The following SYT1 variants were observed in gnomAD, a reference collection of about 807,000 sequenced individuals.
SYT1 encodes the protein synaptotagmin-1.
SYT1 carries 8 observed loss-of-function variants against 44.8 expected under a neutral mutation model. That is an observed-to-expected ratio of 0.18 (90% CI 0.10 to 0.32). The LOEUF (loss-of-function observed/expected upper bound fraction) is 0.32, where lower values mean the gene tolerates loss of function less well. Ranked by LOEUF, SYT1 falls within the 10% of genes least tolerant of loss-of-function variation. The pLI, the probability that SYT1 is intolerant of heterozygous loss-of-function variation, is 1.00. For synonymous variants in SYT1, 154 were observed against 188.8 expected, an observed-to-expected ratio of 0.82 and a Z score of 1.51; for missense variants, 286 against 509.3, an observed-to-expected ratio of 0.56 and a Z score of 4.22.
chr12:79,411,977 G>A (rs1315244050), intron 9 of SYT1, among the ~76,000 whole-genome samples: 3 of 152,058 alleles, frequency 2.0e-5, no homozygotes, highest in East Asian at 1.9e-4. Flanking sequence ...TTGGCATGGC[G>A]AGTCTGTACA....
Position 79,172,273 on chromosome 12 carries a change from C to A in SYT1, c.-17-45230C>A, listed in dbSNP as rs189682627. ...AAAATGCATACATTGAATAACCTAA[C>A]TTTAGGTATACTGAGACTTCATTTT... On this transcript the variant is annotated intron_variant, in intron 3 of 10. Transcript: ENST00000261205. Among the ~76,000 whole-genome samples, 72 of 151,868 alleles carry A rather than the reference C, an allele frequency of 4.7e-4. No homozygotes were observed. The East Asian group carries it at 0.013, about 28-fold the overall frequency.
intron 1 of SYT1, among the ~76,000 whole-genome samples, chr12:78,869,924 G>A (rs1263466588): frequency 2.6e-5 from 4 of 152,034 alleles, no homozygotes; most frequent in African/African-American, 9.7e-5. Context: ...CTCACACATA[G>A]TATGTTTTAT....
intron 9 of SYT1, among the ~76,000 whole-genome samples, chr12:79,383,553 G>T (rs1209510330): frequency 6.6e-6 from 1 of 152,016 alleles, no homozygotes; most frequent in East Asian, 1.9e-4. Flanking sequence ...CAAAACAAAA[G>T]AAAATCTCCT....
intron 1 of SYT1, among the ~76,000 whole-genome samples, chr12:78,881,795 A>G (rs1369437274): frequency 6.6e-6 from 1 of 151,470 alleles, no homozygotes; most frequent in Non-Finnish European, 1.5e-5. Flanking sequence ...ATAAAAGAAG[A>G]AGAGTACCAG....
chr12:79,345,523 C>G (rs1245172145), intron 8 of SYT1, among the ~76,000 whole-genome samples: 1 of 151,978 alleles, frequency 6.6e-6, no homozygotes, highest in Non-Finnish European at 1.5e-5. Flanking sequence ...ACAGAGTATG[C>G]CTAAAGAATA....
chr12:79,088,132 C>A (rs1196562343), intron 3 of SYT1, among the ~76,000 whole-genome samples: 1 of 151,968 alleles, frequency 6.6e-6, no homozygotes, highest in African/African-American at 2.4e-5. Context: ...TTAACATAGA[C>A]TAGCATTGGT....
intron 1 of SYT1, among the ~76,000 whole-genome samples, chr12:78,952,148 C>A (rs911820758): frequency 6.6e-6 from 1 of 151,940 alleles, no homozygotes; most frequent in East Asian, 1.9e-4. Context: ...AAATCCTGGG[C>A]CAAAATGGAG....
chr12:79,120,681 T>C (rs1879545257), intron 3 of SYT1, among the ~76,000 whole-genome samples: 1 of 151,952 alleles, frequency 6.6e-6, no homozygotes, highest in African/African-American at 2.4e-5. Context: ...TATATGAAAA[T>C]GTATGTTTAT....
intron 3 of SYT1, among the ~76,000 whole-genome samples, chr12:79,060,955 A>G (rs923491820): frequency 6.6e-6 from 1 of 152,066 alleles, no homozygotes; most frequent in Non-Finnish European, 1.5e-5. Context: ...CATTTTAACT[A>G]CTCAGGCTGG....
chr12:79,019,557 A>G (rs1023440654), intron 2 of SYT1, among the ~76,000 whole-genome samples: 9 of 152,032 alleles, frequency 5.9e-5, no homozygotes, highest in Admixed American at 2.6e-4. Flanking sequence ...GTAATTATCA[A>G]GGATAATCAA....
At chr12:79,179,292 A>ATGTCTATAT in intron 3 of SYT1, among the ~76,000 whole-genome samples, 5 of 117,818 alleles carry the variant, frequency 4.2e-5, no homozygotes, top group African/African-American at 1.4e-4. Context: ...ATATATAGAT[A>ATGTCTATAT]CAGATTTAGA....
chr12:79,129,843 A>G (rs4469960), intron 3 of SYT1, among the ~76,000 whole-genome samples: 14,768 of 152,188 alleles, frequency 0.097, 792 homozygotes, highest in Non-Finnish European at 0.12. Flanking sequence ...CATTTAAGTC[A>G]TAGTGCTTCC....
chr12:79,190,828 A>T (rs1251418561), intron 3 of SYT1, among the ~76,000 whole-genome samples: 2 of 138,340 alleles, frequency 1.4e-5, no homozygotes, highest in Non-Finnish European at 1.5e-5. Flanking sequence ...TTTTTTCAGA[A>T]CTTTGTGTCC....
intron 4 of SYT1, among the ~76,000 whole-genome samples, chr12:79,261,195 T>C (rs1418565060): frequency 1.3e-5 from 2 of 152,214 alleles, no homozygotes; most frequent in Admixed American, 1.3e-4. Flanking sequence ...AGAATATAAA[T>C]GATGGCCAGG....
intron 1 of SYT1, among the ~76,000 whole-genome samples, chr12:78,878,056 G>A (rs1396662668): frequency 7.2e-5 from 11 of 151,906 alleles, no homozygotes; most frequent in African/African-American, 1.2e-4. Context: ...GCAGATTCAC[G>A]TCAGTTGGCT....
Position 79,056,449 on chromosome 12 carries a change from G to A in SYT1, c.-18+9087G>A, listed in dbSNP as rs1007459836. 2.0e-5 allele frequency among the ~76,000 whole-genome samples: 3 copies of A among 152,018 alleles called. No homozygotes were observed. The East Asian group carries it at 5.8e-4, about 29-fold the overall frequency. The stretch of plus-strand genomic sequence containing the variant: ...CACTTCCAGAAAGGTGGAGAGTAAA[G>A]CTTGAGACATTTTGACAGTCTTCGT... On this transcript the variant is annotated intron_variant, in intron 3 of 10. Coordinates refer to ENST00000261205, the MANE Select transcript of SYT1 (RefSeq NM_005639.3).
At chr12:79,347,671 A>G (rs1882670587) in intron 8 of SYT1, among the ~76,000 whole-genome samples, 1 of 152,218 alleles carries the variant, frequency 6.6e-6, no homozygotes, top group East Asian at 1.9e-4. Context: ...AGAAAGCTGC[A>G]TGTTCTCATT....
chr12:79,064,595 TTATAA>T (rs1436384026), intron 3 of SYT1, among the ~76,000 whole-genome samples: 2 of 152,112 alleles, frequency 1.3e-5, no homozygotes, highest in Admixed American at 1.3e-4. Context: ...TTATATGTTT[TTATAA>T]TATAATATGT....
At chr12:78,927,647 T>C (rs1416618242) in intron 1 of SYT1, among the ~76,000 whole-genome samples, 1 of 152,142 alleles carries the variant, frequency 6.6e-6, no homozygotes, top group Non-Finnish European at 1.5e-5. Flanking sequence ...TTTCCTTCTT[T>C]AGATGAAATT....
Sources: allele counts gnomAD v4.1 joint callset (sites outside exome capture counted in the v4.1 genomes callset), GRCh38; gene constraint gnomAD v4.1.1; transcripts MANE v1.5; gene names NCBI Gene and HGNC (gene_info 2026-07-23, HGNC 2026-07-21).